The following MAP3K7CL variants were observed in gnomAD, a reference collection of about 807,000 sequenced individuals.
MAP3K7CL encodes the protein MAP3K7 C-terminal like.
In MAP3K7CL, 16 loss-of-function variants were observed where a neutral mutation model predicts 18.6. That is an observed-to-expected ratio of 0.86 (90% CI 0.58 to 1.31). The LOEUF is 1.31. Among genes scored for constraint, MAP3K7CL ranks in the 50% most tolerant of loss-of-function variants. The pLI, the probability that MAP3K7CL is intolerant of heterozygous loss-of-function variation, is 0.00. For missense variants in MAP3K7CL, 163 were observed against 174.4 expected (o/e 0.93, Z 0.37); for synonymous variants, 65 against 66.8 (o/e 0.97, Z 0.13).
chr21:29,135,185 C>A (rs1365904510), intron 2 of MAP3K7CL, among the ~76,000 whole-genome samples: 1 of 152,166 alleles, frequency 6.6e-6, no homozygotes, highest in Non-Finnish European at 1.5e-5. Flanking sequence ...ACTCAGGGCC[C>A]TAGGCTTGAA....
chr21:29,100,518 T>G (rs1207843076), intron 4 of MAP3K7CL, among the ~76,000 whole-genome samples: 2 of 152,124 alleles, frequency 1.3e-5, no homozygotes, highest in African/African-American at 4.8e-5. Context: ...CTAGCTGTTT[T>G]GAGTTTGGGA....
chr21:29,138,823 C>A (rs375466019), intron 2 of MAP3K7CL, among the ~76,000 whole-genome samples: 25 of 151,958 alleles, frequency 1.6e-4, no homozygotes, highest in South Asian at 2.1e-4. Flanking sequence ...TAAAAAAAAT[C>A]AAAAAATAAG....
Position 29,120,537 on chromosome 21 carries a change from G to A in MAP3K7CL, c.370+27956G>A, listed in dbSNP as rs183474552. ...GGGTATGAAAAGGGCCTAGCTGAGT[G>A]TCTGGGACATAGTATTTGCCCCACA... On this transcript the variant is annotated intron_variant, in intron 4 of 6. Coordinates refer to the MAP3K7CL transcript ENST00000286791. Among the ~76,000 whole-genome samples the A allele has an allele frequency of 2.3e-3, 345 of 152,296 alleles. 5 individuals carry two copies. Among genetic ancestry groups the A allele is most frequent in the Admixed American group, 0.021 (322 of 15,296 alleles).
chr21:29,115,636 T>TCTTG (rs1345133577), intron 4 of MAP3K7CL, among the ~76,000 whole-genome samples: 1 of 152,156 alleles, frequency 6.6e-6, no homozygotes, highest in Non-Finnish European at 1.5e-5. Flanking sequence ...TGATAATAGT[T>TCTTG]CTTGCCTCAT....
chr21:29,124,939 A>G (rs1216884937), intron 4 of MAP3K7CL, among the ~76,000 whole-genome samples: 1 of 152,216 alleles, frequency 6.6e-6, no homozygotes, highest in East Asian at 1.9e-4. Context: ...TAAAATATTT[A>G]TCTCCTGGCC....
At chr21:29,147,842 A>G (rs1300346141) in intron 2 of MAP3K7CL, among the ~76,000 whole-genome samples, 1 of 151,130 alleles carries the variant, frequency 6.6e-6, no homozygotes, top group Non-Finnish European at 1.5e-5. Context: ...TGTACTGTAT[A>G]TATCTGTACT....
At chr21:29,077,258 C>G (rs112741314), upstream of MAP3K7CL, among the ~76,000 whole-genome samples, 798 of 152,336 alleles carry the variant, frequency 5.2e-3, 7 homozygotes, top group African/African-American at 0.018. Context: ...CGGCGCTCGT[C>G]GCGGAGGCTC....
chr21:29,153,922 T>A (rs2250935), intron 3 of MAP3K7CL, among the ~76,000 whole-genome samples: 2 of 152,154 alleles, frequency 1.3e-5, no homozygotes, highest in African/African-American at 4.8e-5. Context: ...TCCAAAACTA[T>A]GCTATAACGT....
chr21:29,085,348 G>A (rs909237189), upstream of MAP3K7CL, among the ~76,000 whole-genome samples: 7 of 152,188 alleles, frequency 4.6e-5, no homozygotes, highest in Admixed American at 3.9e-4. Context: ...GCACGTAGCC[G>A]TGTATTATGC....
At chr21:29,092,088 A>G (rs1212247327) in intron 3 of MAP3K7CL, among the ~76,000 whole-genome samples, 3 of 152,226 alleles carry the variant, frequency 2.0e-5, no homozygotes, top group African/African-American at 7.2e-5. Flanking sequence ...TGGGGAGTAT[A>G]TTAAATGCAA....
In MAP3K7CL at chr21:29,149,197, C is replaced by T. The variant is rs752198255; in HGVS notation, c.79C>T (p.Pro27Ser). 6.2e-7 allele frequency: 1 copy of T among 1,613,588 alleles called. No homozygotes were observed. Among genetic ancestry groups the T allele is most frequent in the Non-Finnish European group, 8.5e-7 (1 of 1,179,622 alleles). ...FSLNDASDDT[P>S]PEDSIPLVFP... is the part of the protein sequence containing the mutation. ...TTATTTCCTTGTTTTAGATGATACA[C>T]CCCCTGAAGACTCCATTCCTTTGGT... Residue 27 changes from proline to serine, a missense_variant, in exon 3 of 5, where the codon CCC (proline) becomes TCC (serine). Pro to Ser is a moderately conservative substitution (Grantham distance 74, BLOSUM62 -1). Transcript: ENST00000399928.
Position 29,133,351 on chromosome 21 carries a change from A to G in MAP3K7CL, c.7A>G (p.Ser3Gly). 1.3e-6 allele frequency: 2 copies of G among 1,550,460 alleles called. No homozygotes were observed. The highest frequency in any genetic ancestry group is 2.4e-5 in the South Asian group (2 of 84,032). Residue 3 changes from serine to glycine, a missense_variant, in exon 2 of 5, where the codon AGC becomes GGC. Transcript: ENST00000399928. ...CGGAGGCTCAGGTGCCCACATGATC[A>G]GCACAGCCAGGGTACCTGCTGACAA... The part of the protein sequence containing the change: MI[S>G]TARVPADKPV...
intron 4 of MAP3K7CL, among the ~76,000 whole-genome samples, chr21:29,174,042 C>T (rs1304224469): frequency 1.3e-5 from 2 of 152,198 alleles, no homozygotes; most frequent in African/African-American, 2.4e-5. Flanking sequence ...GAATTATTTA[C>T]AACTATTAAC....
upstream of MAP3K7CL, among the ~76,000 whole-genome samples, chr21:29,082,870 A>G (rs2085859210): frequency 6.6e-6 from 1 of 151,982 alleles, no homozygotes; most frequent in Non-Finnish European, 1.5e-5. Flanking sequence ...GGATCAATTT[A>G]CCTTGCAGGA....
chr21:29,139,152 T>C (rs2086947918), intron 2 of MAP3K7CL: 1 of 152,226 alleles, frequency 6.6e-6, no homozygotes, highest in Non-Finnish European at 1.5e-5. Flanking sequence ...CATGGAGTAG[T>C]TGCAATAGCT....
chr21:29,102,899 A>G (rs1337364738), intron 4 of MAP3K7CL, among the ~76,000 whole-genome samples: 4 of 152,156 alleles, frequency 2.6e-5, no homozygotes, highest in Admixed American at 1.3e-4. Context: ...GCTAACAGCC[A>G]TGTAAATGAG....
At chr21:29,096,538 G>C (rs1020572947) in intron 4 of MAP3K7CL, among the ~76,000 whole-genome samples, 2 of 152,214 alleles carry the variant, frequency 1.3e-5, no homozygotes, top group African/African-American at 4.8e-5. Context: ...GCTCCAGGCA[G>C]AGGGATGATA....
intron 4 of MAP3K7CL, among the ~76,000 whole-genome samples, chr21:29,095,954 G>A (rs1333786404): frequency 2.6e-5 from 4 of 152,196 alleles, no homozygotes; most frequent in Non-Finnish European, 4.4e-5. Context: ...GAAACATGAG[G>A]TGATTTTGAA....
At chr21:29,123,046 AGAAATGATCT>A (rs1241879637) in intron 4 of MAP3K7CL, among the ~76,000 whole-genome samples, 6 of 78,850 alleles carry the variant, frequency 7.6e-5, no homozygotes, top group African/African-American at 1.7e-4. Context: ...ATACTGGAGA[AGAAATGATCT>A]TTTTTTTTTT....
Sources: allele counts gnomAD v4.1 joint callset (sites outside exome capture counted in the v4.1 genomes callset), GRCh38; gene constraint gnomAD v4.1.1; transcripts MANE v1.5; gene names NCBI Gene and HGNC (gene_info 2026-07-23, HGNC 2026-07-21).